Variants in PTK2B observed in about 807,000 individuals in gnomAD.
The protein encoded by PTK2B is protein tyrosine kinase 2 beta, also known as protein-tyrosine kinase 2-beta.
Under a neutral mutation model 142.9 loss-of-function variants are expected in PTK2B, and 71 were observed. That is an observed-to-expected ratio of 0.50 (90% confidence interval 0.41 to 0.61). The LOEUF (loss-of-function observed/expected upper bound fraction) is 0.61. PTK2B is among the 20% of genes least tolerant of loss of function. The probability of loss-of-function intolerance (pLI) is 0.00; values close to 1 mark genes in which losing one functional copy is unlikely to be tolerated. For missense variants in PTK2B, 1,105 were observed against 1,320.4 expected (o/e 0.84, Z 2.53); for synonymous variants, 519 against 503.4 (o/e 1.03, Z -0.42).
At position 27,397,674 on chromosome 8, in the gene PTK2B, A is replaced by G. The variant is rs1453934620; in HGVS notation, c.90A>G (p.Pro30=). Residue 30 remains proline, a synonymous_variant, in exon 2 of 31, where the codon CCA becomes CCG. Transcript: ENST00000346049. ...EGPAEPMVVV[P]VDVEKEDVRI... is the part of the protein sequence containing the mutation. ...CTGCAGAGCCCATGGTGGTGGTACC[A>G]GTAGATGTGGAAAAGGAGGACGTGC... 6.2e-7 allele frequency: 1 copy of G among 1,614,274 alleles called. No individual in the cohort carries two copies. Among genetic ancestry groups the G allele is most frequent in the South Asian group, 1.1e-5 (1 of 91,092 alleles).
At chr8:27,381,732 A>G (rs1807034592) in intron 1 of PTK2B, among the ~76,000 whole-genome samples, 1 of 152,230 alleles carries the variant, frequency 6.6e-6, no homozygotes, top group Non-Finnish European at 1.5e-5. Flanking sequence ...AGGAATCTCC[A>G]TACGGTTCCC....
chr8:27,358,941 T>C (rs1458120376), intron 1 of PTK2B, among the ~76,000 whole-genome samples: 1 of 152,168 alleles, frequency 6.6e-6, no homozygotes, highest in African/African-American at 2.4e-5. Flanking sequence ...CCTTACCAAA[T>C]TGGAAGGATT....
intron 1 of PTK2B, among the ~76,000 whole-genome samples, chr8:27,356,871 G>A (rs1805422047): frequency 6.6e-6 from 1 of 152,200 alleles, no homozygotes; most frequent in Non-Finnish European, 1.5e-5. Flanking sequence ...AAACTGTAGA[G>A]ATGGAGAGCA....
chr8:27,371,340 C>T (rs1023914619), intron 1 of PTK2B, among the ~76,000 whole-genome samples: 1 of 152,056 alleles, frequency 6.6e-6, no homozygotes, highest in African/African-American at 2.4e-5. Context: ...CCAAGGTCGG[C>T]GGCTGGAGGT....
chr8:27,417,325 A>G (rs921688358), intron 2 of PTK2B, among the ~76,000 whole-genome samples: 1 of 152,222 alleles, frequency 6.6e-6, no homozygotes, highest in Non-Finnish European at 1.5e-5. Flanking sequence ...GTGAAAAAAG[A>G]CACCAAAAAA....
intron 1 of PTK2B, among the ~76,000 whole-genome samples, chr8:27,342,739 T>C (rs1804481566): frequency 6.6e-6 from 1 of 152,212 alleles, no homozygotes; most frequent in Non-Finnish European, 1.5e-5. Context: ...GGACTTTCCT[T>C]CTGCCTTATT....
At chr8:27,311,131 G>A, upstream of PTK2B, 1 of 1,602,624 alleles carries the variant, frequency 6.2e-7, no homozygotes, top group Non-Finnish European at 8.5e-7. Context: ...TGTGGCCGCA[G>A]CGCAGAGTGA....
rs140566992 is a variant in PTK2B at position 27,439,478 on chromosome 8, G to T, written c.1834+80G>T. Reference sequence around the variant, plus strand: ...CAGGCTAAGGGGGTGGGTGCAGGGAGCAGGGGTCTGACCTCCACCCTCCGT... The same window carrying T: ...CAGGCTAAGGGGGTGGGTGCAGGGATCAGGGGTCTGACCTCCACCCTCCGT... On this transcript the variant is annotated intron_variant, in intron 20 of 30. Coordinates refer to ENST00000346049, the MANE Select transcript of PTK2B (RefSeq NM_173176.3). 5 of 1,439,806 alleles carry T rather than the reference G, an allele frequency of 3.5e-6. No homozygotes were observed. In the African/African-American group the frequency reaches 7.0e-5, roughly 20 times the overall value. The allele number at this position is 1,439,806 out of a possible 1,614,324, so 89.2% of individuals were successfully genotyped here. A position where few individuals can be genotyped will look rare whatever the true frequency, so the allele number is the denominator to read the frequency against.
chr8:27,448,301 T>A (rs1005901802), intron 24 of PTK2B, among the ~76,000 whole-genome samples: 2 of 152,224 alleles, frequency 1.3e-5, no homozygotes, highest in Non-Finnish European at 2.9e-5. Flanking sequence ...ATGGAAGGTG[T>A]CACAACTTAC....
At chr8:27,412,378 G>A (rs909259434) in intron 2 of PTK2B, among the ~76,000 whole-genome samples, 4 of 152,118 alleles carry the variant, frequency 2.6e-5, no homozygotes, top group African/African-American at 9.7e-5. Flanking sequence ...TGTAGTCTGA[G>A]GAACCCACAG....
At chr8:27,432,103 C>T in intron 9 of PTK2B, 157 bp from the exon 10 acceptor site, 1 of 616,772 alleles carries the variant, frequency 1.6e-6, no homozygotes, top group Non-Finnish European at 2.8e-6. Context: ...CACCCCTGAA[C>T]TAGAGGATCC....
At chr8:27,431,092 G>A (rs1332524931) in intron 8 of PTK2B, 76 bp downstream of exon 8, 3 of 1,551,868 alleles carry the variant, frequency 1.9e-6, no homozygotes, top group South Asian at 1.2e-5. Context: ...GGAGGGGGCA[G>A]GGAGAGGCTG....
upstream of PTK2B, chr8:27,311,020 G>T: frequency 6.2e-7 from 1 of 1,609,828 alleles, no homozygotes; most frequent in Non-Finnish European, 8.5e-7. Flanking sequence ...TGAGGGTGTG[G>T]TTGGTGCGCA....
chr8:27,343,718 C>T (rs566973760), intron 1 of PTK2B, among the ~76,000 whole-genome samples: 6 of 152,248 alleles, frequency 3.9e-5, no homozygotes, highest in South Asian at 4.1e-4. Flanking sequence ...AAATTTCTTT[C>T]GCCAGGCGTG....
chr8:27,318,089 AAAGT>A (rs1484370962), intron 3 of PTK2B, among the ~76,000 whole-genome samples: 1 of 152,210 alleles, frequency 6.6e-6, no homozygotes, highest in African/African-American at 2.4e-5. Context: ...GCTGGCTAAT[AAAGT>A]AATAGGAGTT....
At chr8:27,332,072 G>A (rs551877869) in intron 1 of PTK2B, among the ~76,000 whole-genome samples, 6 of 152,328 alleles carry the variant, frequency 3.9e-5, no homozygotes, top group African/African-American at 1.4e-4. Context: ...GGCAGACAGC[G>A]GTGCCAACCA....
intron 1 of PTK2B, among the ~76,000 whole-genome samples, chr8:27,386,862 TAAA>T (rs554728580): frequency 1.2e-4 from 18 of 151,672 alleles, no homozygotes; most frequent in African/African-American, 3.9e-4. Flanking sequence ...ACTTTCTAGT[TAAA>T]AAAAGTACCT....
At chr8:27,327,617 A>G (rs929198088) in intron 1 of PTK2B, among the ~76,000 whole-genome samples, 1 of 152,234 alleles carries the variant, frequency 6.6e-6, no homozygotes, top group Admixed American at 6.5e-5. Flanking sequence ...TCTCAGGTCT[A>G]TCTTGTAACC....
At chr8:27,437,100 C>T (rs775897881) in intron 15 of PTK2B, 22 bp from the exon 16 acceptor site, 2 of 1,605,812 alleles carry the variant, frequency 1.2e-6, no homozygotes, top group South Asian at 1.1e-5. Flanking sequence ...ACCAAGGGGT[C>T]CTGAACACAC....
Sources: gnomAD v4.1 joint callset for allele counts (sites outside exome capture counted in the v4.1 genomes callset) on GRCh38, gnomAD v4.1.1 for gene constraint, MANE v1.5 for transcripts, NCBI Gene and HGNC (gene_info 2026-07-23, HGNC 2026-07-21) for gene names.